The following SLC13A4 variants were observed in gnomAD, a reference collection of about 807,000 sequenced individuals.
SLC13A4 encodes the protein Na(+)/sulfate cotransporter SUT-1.
Under a neutral mutation model 72.7 loss-of-function variants are expected in SLC13A4, and 28 were observed. The ratio of observed to expected loss-of-function variants is 0.39; its 90% CI spans 0.29 to 0.53. The LOEUF is 0.53. Among genes scored for constraint, SLC13A4 ranks in the 20% least tolerant of loss-of-function variants. SLC13A4 has a pLI of 0.78. For missense variants in SLC13A4, 653 were observed against 788.0 expected (o/e 0.83, Z 2.05); for synonymous variants, 312 against 325.5 (o/e 0.96, Z 0.45).
intron 8 of SLC13A4, among the ~76,000 whole-genome samples, chr7:135,698,634 CTT>C (rs35575379): frequency 8.2e-4 from 88 of 107,278 alleles, no homozygotes; most frequent in East Asian, 4.9e-3. Context: ...CGTGCTGGGA[CTT>C]TTTTTTTTTT....
intron 12 of SLC13A4, 108 bp from the exon 13 acceptor site, chr7:135,691,433 G>C: frequency 9.1e-7 from 1 of 1,095,640 alleles, no homozygotes. Flanking sequence ...TATTTGGGGC[G>C]GGGGCCGGGA....
At chr7:135,697,892 C>T (rs781624102) in intron 8 of SLC13A4, among the ~76,000 whole-genome samples, 7 of 152,128 alleles carry the variant, frequency 4.6e-5, no homozygotes, top group Non-Finnish European at 1.0e-4. Context: ...TCCACATGGT[C>T]GCCTCTTCAG....
intron 2 of SLC13A4, among the ~76,000 whole-genome samples, chr7:135,718,925 G>A (rs138808802): frequency 1.1e-3 from 163 of 152,320 alleles, no homozygotes; most frequent in African/African-American, 3.7e-3. Context: ...CATGTGCTCT[G>A]CCTTACTGGC....
chr7:135,708,331 C>T, intron 2 of SLC13A4, 81 bp from the exon 3 acceptor site: 2 of 1,557,470 alleles, frequency 1.3e-6, no homozygotes, highest in Non-Finnish European at 8.7e-7. Flanking sequence ...ATGGGCCATA[C>T]CCAATAAAAC....
chr7:135,690,376 C>G (rs538958727), intron 13 of SLC13A4, among the ~76,000 whole-genome samples: 2 of 151,984 alleles, frequency 1.3e-5, no homozygotes, highest in Non-Finnish European at 2.9e-5. Flanking sequence ...AGATCTCATC[C>G]AAAATCCTCC....
At chr7:135,682,666 C>G (rs974836268) in intron 15 of SLC13A4, among the ~76,000 whole-genome samples, 6 of 152,298 alleles carry the variant, frequency 3.9e-5, no homozygotes, top group Admixed American at 3.9e-4. Flanking sequence ...TTGAAAGGGA[C>G]CCCATGGAGC....
chr7:135,708,147 C>T lies in SLC13A4; in HGVS notation c.332G>A (p.Arg111His), dbSNP rs1306234161. The T allele has an allele frequency of 1.3e-5, 21 of 1,614,208 alleles. No homozygotes were observed. Among genetic ancestry groups the T allele is most frequent in the East Asian group, 4.5e-5 (2 of 44,880 alleles). Residue 111 changes from arginine to histidine, a missense_variant, in exon 3 of 16, where the codon CGC (arginine) becomes CAC (histidine). Arg to His is a conservative substitution (Grantham distance 29). Coordinates refer to ENST00000682651, the MANE Select transcript of SLC13A4 (RefSeq NM_001318192.2). The part of the protein sequence containing the change: ...KWNLHKRIAL[R>H]MVLMAGAKPG... ...CTTGGCTCCGGCCATCAAGACCATG[C>T]GCAGAGCAATGCGCTTATGCAGGTT... is the stretch of plus-strand genomic sequence containing the variant.
intron 11 of SLC13A4, 130 bp downstream of exon 11, chr7:135,692,193 C>T: frequency 2.7e-6 from 2 of 741,772 alleles, no homozygotes; most frequent in Non-Finnish European, 4.7e-6. Flanking sequence ...CTGCAGCCTC[C>T]CTAAAAAGAG....
At chr7:135,709,382 C>T (rs1008068680) in intron 2 of SLC13A4, among the ~76,000 whole-genome samples, 3 of 151,054 alleles carry the variant, frequency 2.0e-5, no homozygotes, top group Non-Finnish European at 4.4e-5. Flanking sequence ...GTCCTTTACC[C>T]CTAAATACTT....
chr7:135,703,483 C>T (rs781097360), intron 5 of SLC13A4: 1 of 153,208 alleles, frequency 6.5e-6, no homozygotes, highest in Non-Finnish European at 1.5e-5. Context: ...GGATTGTACT[C>T]AGGGAAAGTC....
chr7:135,696,882 A>G (rs758518074), intron 8 of SLC13A4, among the ~76,000 whole-genome samples: 11 of 152,188 alleles, frequency 7.2e-5, no homozygotes, highest in Non-Finnish European at 1.5e-4. Flanking sequence ...TATTGTAGGC[A>G]CTTCCTTTTT....
Position 135,695,375 on chromosome 7 carries a change from C to G in SLC13A4, c.1012G>C (p.Gly338Arg). The G allele has an allele frequency of 6.2e-7, 1 of 1,613,976 alleles. No individual in the cohort carries two copies. Among genetic ancestry groups the G allele is most frequent in the Admixed American group, 1.7e-5 (1 of 60,010 alleles). The change falls in exon 9 of 16, where the codon GGC becomes CGC. Residue 338 changes from glycine to arginine, a missense_variant. Gly to Arg is a moderately radical substitution (Grantham distance 125, BLOSUM62 -2). Transcript: ENST00000682651. ...AAGGGCCCTGGAACTCACTTGCAGC[C>G]CAGGAACAGCCAGTGCATCCAGAAC... is the stretch of plus-strand genomic sequence containing the variant. ...SWFWMHWLFL[G>R]CNFKETCSLS...
chr7:135,705,318 A>G (rs1796134427), intron 5 of SLC13A4: 1 of 379,800 alleles, frequency 2.6e-6, no homozygotes, highest in Non-Finnish European at 4.8e-6. Flanking sequence ...GGCTGTGTGG[A>G]CAGTTCATAT....
intron 1 of SLC13A4, among the ~76,000 whole-genome samples, chr7:135,726,473 C>T (rs1414308869): frequency 6.6e-6 from 1 of 152,196 alleles, no homozygotes; most frequent in African/African-American, 2.4e-5. Context: ...CTCCTACAAA[C>T]GTGATTAACC....
Position 135,705,988 on chromosome 7 carries a change from G to C in SLC13A4, c.538+140C>G, listed in dbSNP as rs1796150744. 19 of 724,448 alleles carry C rather than the reference G, an allele frequency of 2.6e-5. No individual in the cohort carries two copies. The South Asian group carries it at 4.5e-4, about 17-fold the overall frequency. 44.9% of individuals were successfully genotyped at this position (724,448 alleles called of 1,614,324 possible). ...GGGATGGGAAAGAGGAGAGAGGGAA[G>C]AGGAAGGGGAATGTGGGGGCATGGC... is the stretch of plus-strand genomic sequence containing the variant. On this transcript the variant is annotated intron_variant, in intron 4 of 15. Transcript: ENST00000682651.
intron 8 of SLC13A4, among the ~76,000 whole-genome samples, chr7:135,698,317 G>A (rs932540718): frequency 1.4e-5 from 2 of 142,410 alleles, no homozygotes; most frequent in Non-Finnish European, 3.0e-5. Flanking sequence ...ACAGGTGTGA[G>A]CCACCGTGCT....
In SLC13A4 at chr7:135,690,406, C is replaced by T. The variant is rs565922611; in HGVS notation, c.1446+795G>A. 3.3e-5 allele frequency among the ~76,000 whole-genome samples: 5 copies of T among 152,184 alleles called. No homozygotes were observed. The South Asian group carries it at 1.0e-3, about 32-fold the overall frequency. On this transcript the variant is annotated intron_variant, in intron 13 of 15. Transcript: ENST00000682651. ...TCCTCCCAGTCAGAAAATCAAGAAG[C>T]ATTTACATCAGCTTTAGCCTAGATT...
chr7:135,691,368 C>T (rs757126814), intron 12 of SLC13A4, 43 bp from the exon 13 acceptor site: 98 of 1,526,954 alleles, frequency 6.4e-5, no homozygotes, highest in East Asian at 5.5e-4. Context: ...CCCTGATGGA[C>T]GTGATTTGTG....
At chr7:135,695,126 C>T (rs1795872620) in intron 9 of SLC13A4, among the ~76,000 whole-genome samples, 1 of 152,194 alleles carries the variant, frequency 6.6e-6, no homozygotes, top group Non-Finnish European at 1.5e-5. Flanking sequence ...GCTCTCTAAC[C>T]ATTTAGTTGG....
Sources: gnomAD v4.1 joint callset for allele counts (sites outside exome capture counted in the v4.1 genomes callset) on GRCh38, gnomAD v4.1.1 for gene constraint, MANE v1.5 for transcripts, NCBI Gene and HGNC (gene_info 2026-07-23, HGNC 2026-07-21) for gene names.